The following INSC variants were observed in gnomAD, a reference collection of about 807,000 sequenced individuals.
The protein encoded by INSC is protein inscuteable homolog.
In INSC, 67 loss-of-function variants were observed where a neutral mutation model predicts 58.6. The ratio of observed to expected loss-of-function variants is 1.14; its 90% confidence interval spans 0.94 to 1.40. The LOEUF (loss-of-function observed/expected upper bound fraction) is 1.40. Ranked by LOEUF, INSC falls within the 40% of genes most tolerant of loss-of-function variation. The pLI, the probability that INSC is intolerant of heterozygous loss-of-function variation, is 0.00. For synonymous variants in INSC, 262 were observed against 276.1 expected (o/e 0.95, Z 0.51); for missense variants, 714 against 692.0 (o/e 1.03, Z -0.36).
At chr11:15,202,943 C>T (rs960723716) in intron 7 of INSC, among the ~76,000 whole-genome samples, 5 of 152,208 alleles carry the variant, frequency 3.3e-5, no homozygotes, top group African/African-American at 9.7e-5. Flanking sequence ...TCAGACCCTG[C>T]CCAGTTGAGC....
At chr11:15,165,627 G>A (rs1423435821) in intron 2 of INSC, among the ~76,000 whole-genome samples, 1 of 152,166 alleles carries the variant, frequency 6.6e-6, no homozygotes, top group African/African-American at 2.4e-5. Flanking sequence ...CCAGTGGCAT[G>A]CCTGGTGGTG....
At chr11:15,263,609 T>C in the INSC span, among the ~76,000 whole-genome samples, 1 of 152,132 alleles carries the variant, frequency 6.6e-6, no homozygotes, top group African/African-American at 2.4e-5. Flanking sequence ...GTTGTTATAA[T>C]AAGTTATCAC....
At chr11:15,257,213 C>T in the INSC span, among the ~76,000 whole-genome samples, 2 of 152,064 alleles carry the variant, frequency 1.3e-5, no homozygotes, top group South Asian at 2.1e-4. Flanking sequence ...CCAAGATGCA[C>T]GTATCCATTA....
At chr11:15,158,705 T>A (rs1848902535) in intron 2 of INSC, among the ~76,000 whole-genome samples, 1 of 149,880 alleles carries the variant, frequency 6.7e-6, no homozygotes, top group Admixed American at 6.7e-5. Context: ...AGTCTCCTCA[T>A]CTGTAAACGG....
chr11:15,113,897 G>A (rs1847631960), upstream of INSC, among the ~76,000 whole-genome samples: 1 of 152,132 alleles, frequency 6.6e-6, no homozygotes, highest in Admixed American at 6.5e-5. Flanking sequence ...TTTTGTCATG[G>A]GGACTGAGTT....
intron 12 of INSC, among the ~76,000 whole-genome samples, chr11:15,243,197 G>T (rs1852424454): frequency 6.6e-6 from 1 of 152,114 alleles, no homozygotes; most frequent in Non-Finnish European, 1.5e-5. Flanking sequence ...TCCAACATTT[G>T]AGTGTGGTCT....
chr11:15,258,034 C>T, the INSC span, among the ~76,000 whole-genome samples: 3 of 152,078 alleles, frequency 2.0e-5, no homozygotes, highest in Admixed American at 6.6e-5. Context: ...CATATGAGAC[C>T]TTTATTTCAT....
intron 1 of INSC, among the ~76,000 whole-genome samples, chr11:15,120,444 A>G (rs982942259): frequency 1.5e-4 from 23 of 152,212 alleles, no homozygotes; most frequent in African/African-American, 5.5e-4. Context: ...GCAGTCAGAA[A>G]GGCCTTCCCG....
At chr11:15,183,332 C>T (rs1412243873) in intron 5 of INSC, among the ~76,000 whole-genome samples, 1 of 70,706 alleles carries the variant, frequency 1.4e-5, no homozygotes, top group African/African-American at 5.9e-5. Flanking sequence ...GCCTGGGCAA[C>T]AAGAGCAAAA....
At chr11:15,266,470 TA>T in the INSC span, among the ~76,000 whole-genome samples, 1 of 151,996 alleles carries the variant, frequency 6.6e-6, no homozygotes, top group South Asian at 2.1e-4. Context: ...AATAGACTAG[TA>T]AAGACAAGAA....
chr11:15,115,702 A>T (rs1847675466), intron 1 of INSC, among the ~76,000 whole-genome samples: 1 of 151,678 alleles, frequency 6.6e-6, no homozygotes, highest in South Asian at 2.1e-4. Flanking sequence ...ACCCACAAAC[A>T]CTCGCAGTGC....
chr11:15,148,980 C>T (rs1355551085), intron 1 of INSC, 150 bp from the exon 2 acceptor site: 12 of 874,672 alleles, frequency 1.4e-5, no homozygotes, highest in African/African-American at 3.5e-5. Context: ...TGTGAGGATA[C>T]TGGAGTGTAA....
downstream of INSC, among the ~76,000 whole-genome samples, chr11:15,247,372 A>C (rs1348264733): frequency 6.6e-6 from 1 of 152,154 alleles, no homozygotes; most frequent in East Asian, 1.9e-4. Flanking sequence ...CAAGGTCAGT[A>C]GCTAGTAAGT....
chr11:15,134,014 A>G (rs1335313013), intron 1 of INSC, among the ~76,000 whole-genome samples: 2 of 104,394 alleles, frequency 1.9e-5, no homozygotes, highest in African/African-American at 6.4e-5. Context: ...GCCTCTCTAA[A>G]AGAGAAGGTA....
chr11:15,240,507 T>C lies in INSC; in HGVS notation c.1454T>C (p.Val485Ala), dbSNP rs748224218. ...SPSERNSSDA[V>A]LVACLAALRR... is the part of the protein sequence containing the mutation. Reference sequence around the variant, plus strand: ...TCAGAGAGGAACAGCAGTGACGCCGTGCTTGTGGCCTGCCTGGTGAGTTCT... The same window carrying C: ...TCAGAGAGGAACAGCAGTGACGCCGCGCTTGTGGCCTGCCTGGTGAGTTCT... Residue 485 changes from valine (V) to alanine (A), a missense_variant, in exon 12 of 13, where the codon GTG becomes GCG. Transcript: ENST00000379556. The C allele has an allele frequency of 6.2e-7, 1 of 1,613,694 alleles. No homozygotes were observed.
the INSC span, among the ~76,000 whole-genome samples, chr11:15,264,447 C>T: frequency 2.1e-5 from 3 of 145,090 alleles, no homozygotes; most frequent in Non-Finnish European, 4.5e-5. Context: ...ATTACATCTA[C>T]CAGTAGCCTT....
At chr11:15,127,791 A>C (rs1441498165) in intron 1 of INSC, among the ~76,000 whole-genome samples, 1 of 152,150 alleles carries the variant, frequency 6.6e-6, no homozygotes, top group Non-Finnish European at 1.5e-5. Context: ...GGGAGACTAG[A>C]GAGAACTTGA....
At chr11:15,135,520 G>T (rs1213520323) in intron 1 of INSC, among the ~76,000 whole-genome samples, 1 of 152,204 alleles carries the variant, frequency 6.6e-6, no homozygotes, top group Non-Finnish European at 1.5e-5. Flanking sequence ...ATAGGTGATG[G>T]TTCTGTCTTT....
At position 15,239,696 on chromosome 11, in the gene INSC, G is replaced by T. The variant is rs371773364; in HGVS notation, c.1393+622G>T. On this transcript the variant is annotated intron_variant, in intron 11 of 12. Transcript: ENST00000379556. Reference sequence around the variant, plus strand: ...GAGATATTCTCACTTCAGTATCATGGGAGTGACACCCAAAGCATGTCCATG... The same window carrying T: ...GAGATATTCTCACTTCAGTATCATGTGAGTGACACCCAAAGCATGTCCATG... 3.9e-5 allele frequency among the ~76,000 whole-genome samples: 6 copies of T among 152,306 alleles called. No homozygotes were observed. The South Asian group carries it at 1.0e-3, about 26-fold the overall frequency.
Sources: gnomAD v4.1 joint callset for allele counts (sites outside exome capture counted in the v4.1 genomes callset) on GRCh38, gnomAD v4.1.1 for gene constraint, MANE v1.5 for transcripts, NCBI Gene and HGNC (gene_info 2026-07-23, HGNC 2026-07-21) for gene names.